The following GABRG2 variants were observed in gnomAD, a reference collection of about 807,000 sequenced individuals.
The protein encoded by GABRG2 is gamma-aminobutyric acid type A receptor subunit gamma2.
In GABRG2, 16 loss-of-function variants were observed where a neutral mutation model predicts 56.4. That is an observed-to-expected ratio of 0.28 (90% CI 0.19 to 0.43). The LOEUF is 0.43. Ranked by LOEUF, GABRG2 falls within the 20% of genes least tolerant of loss-of-function variation. GABRG2 has a pLI of 1.00. For missense variants in GABRG2, 327 were observed against 582.7 expected, an observed-to-expected ratio of 0.56 and a Z score of 4.52; for synonymous variants, 208 against 205.5, an observed-to-expected ratio of 1.01 and a Z score of -0.10.
intron 1 of GABRG2, among the ~76,000 whole-genome samples, 153 bp from the exon 2 acceptor site, chr5:162,093,675 A>G (rs559622288): frequency 1.9e-4 from 29 of 152,274 alleles, no homozygotes; most frequent in African/African-American, 6.5e-4. Context: ...GTCTCCATCT[A>G]TGCAGTTTAA....
intron 6 of GABRG2, among the ~76,000 whole-genome samples, chr5:162,123,288 T>C (rs1221507377): frequency 6.6e-6 from 1 of 151,760 alleles, no homozygotes; most frequent in Non-Finnish European, 1.5e-5. Context: ...AAGTCAAAGA[T>C]GCATTTGTTT....
At chr5:162,142,849 T>G (rs1283947676) in intron 7 of GABRG2, 1 of 164,542 alleles carries the variant, frequency 6.1e-6, no homozygotes, top group East Asian at 1.6e-4. Flanking sequence ...TGTATACATA[T>G]GTAACAAACC....
At chr5:162,142,027 AAAATAG>A in intron 6 of GABRG2, 131 bp from the exon 7 acceptor site, 1 of 1,155,308 alleles carries the variant, frequency 8.7e-7, no homozygotes, top group South Asian at 1.3e-5. Flanking sequence ...CAAGCGGGCA[AAAATAG>A]TTTTCAACAT....
intron 1 of GABRG2, among the ~76,000 whole-genome samples, chr5:162,068,696 TCCTGGTGAGGG>T (rs1402194733): frequency 2.0e-5 from 3 of 152,104 alleles, no homozygotes; most frequent in East Asian, 3.9e-4. Flanking sequence ...GGGACAGCAG[TCCTGGTGAGGG>T]CCAAAGGGAT....
intron 6 of GABRG2, 26 bp from the exon 7 acceptor site, chr5:162,142,138 A>G: frequency 6.2e-7 from 1 of 1,612,474 alleles, no homozygotes; most frequent in Non-Finnish European, 8.5e-7. Flanking sequence ...AAAGGGTTGT[A>G]TGGTGTTATC....
intron 1 of GABRG2, among the ~76,000 whole-genome samples, chr5:162,078,397 AT>A (rs869191596): frequency 7.9e-3 from 239 of 30,256 alleles, no homozygotes; most frequent in South Asian, 0.042. Flanking sequence ...ATATATATAT[AT>A]TTTTTTTTTT....
At chr5:162,085,133 T>C (rs1415152289) in intron 1 of GABRG2, among the ~76,000 whole-genome samples, 1 of 151,966 alleles carries the variant, frequency 6.6e-6, no homozygotes, top group Non-Finnish European at 1.5e-5. Context: ...CAAATTTGCA[T>C]TGTTGTACGA....
rs1581467266 is a variant in GABRG2, at chr5:162,155,289, T to G, written c.*1921T>G. 6.6e-6 allele frequency: 1 copy of G among 152,558 alleles called. No homozygotes were observed. The highest frequency in any genetic ancestry group is 1.5e-5 in the Non-Finnish European group (1 of 68,014). 9.5% of individuals were successfully genotyped at this position (152,558 alleles called of 1,614,324 possible). A position where few individuals can be genotyped will look rare whatever the true frequency, so the allele number is the denominator to read the frequency against. On this transcript the variant is annotated 3_prime_UTR_variant, in exon 10 of 10. Transcript: ENST00000639213. ...TTAAATGTTGACTCTTTGGGAGAGTTGTTGGCAAGTTTCAATGGTGAGAAA... is the reference window on the plus strand; with the variant it reads ...TTAAATGTTGACTCTTTGGGAGAGTGGTTGGCAAGTTTCAATGGTGAGAAA...
upstream of GABRG2, chr5:162,067,652 G>A: frequency 1.8e-6 from 1 of 558,894 alleles, no homozygotes; most frequent in Non-Finnish European, 3.1e-6. Context: ...GTAAGTGTGA[G>A]GGGCATGAGT....
At chr5:162,145,742 C>G (rs1180784865) in intron 7 of GABRG2, among the ~76,000 whole-genome samples, 1 of 152,170 alleles carries the variant, frequency 6.6e-6, no homozygotes, top group East Asian at 1.9e-4. Flanking sequence ...AAAAAATTAA[C>G]TCATCTACAG....
At chr5:162,119,613 A>T (rs1026801030) in intron 6 of GABRG2, among the ~76,000 whole-genome samples, 2 of 152,120 alleles carry the variant, frequency 1.3e-5, no homozygotes, top group Non-Finnish European at 2.9e-5. Flanking sequence ...CAATGAAATG[A>T]CAATGATCGA....
intron 5 of GABRG2, chr5:162,102,181 C>G (rs1305666468): frequency 1.1e-5 from 2 of 187,884 alleles, no homozygotes; most frequent in African/African-American, 4.8e-5. Context: ...CAGAGGAAAC[C>G]AGAGGAAAAA....
intron 8 of GABRG2, chr5:162,151,007 T>C (rs1037271454): frequency 6.6e-6 from 1 of 152,242 alleles, no homozygotes; most frequent in African/African-American, 2.4e-5. Flanking sequence ...GGTGGTTCTA[T>C]TGAGAGTTGG....
At chr5:162,083,001 A>G (rs2113211680) in intron 1 of GABRG2, among the ~76,000 whole-genome samples, 1 of 151,780 alleles carries the variant, frequency 6.6e-6, no homozygotes, top group East Asian at 1.9e-4. Context: ...ACAATTTTAG[A>G]AAAGAAAGAA....
intron 6 of GABRG2, among the ~76,000 whole-genome samples, chr5:162,107,863 TTGCCATTGC>T: frequency 6.6e-6 from 1 of 152,184 alleles, no homozygotes; most frequent in East Asian, 1.9e-4. Flanking sequence ...CTCTTTTCAG[TTGCCATTGC>T]CACTGTCCTA....
rs1759486703 is a variant in GABRG2 at position 162,079,636 on chromosome 5, TATG to T, written c.107+11533_107+11535del. ...TAATTTAAAAAAATAATATATATAA[TATG>T]ATAATATATAACACTGCTTTTATAA... is the stretch of plus-strand genomic sequence containing the variant. On this transcript the variant is annotated intron_variant, in intron 1 of 9. Coordinates refer to ENST00000639213, the MANE Select transcript of GABRG2 (RefSeq NM_198904.4). 6.6e-5 allele frequency among the ~76,000 whole-genome samples: 10 copies of T among 151,956 alleles called. No homozygotes were observed. The South Asian group carries it at 2.1e-3, about 31-fold the overall frequency.
chr5:162,134,738 T>C (rs1406113058), intron 6 of GABRG2, among the ~76,000 whole-genome samples: 2 of 152,126 alleles, frequency 1.3e-5, no homozygotes, highest in Non-Finnish European at 2.9e-5. Context: ...AGCTCACTAC[T>C]TGCCACTTTT....
At chr5:162,101,731 A>T in intron 5 of GABRG2, 1 of 179,628 alleles carries the variant, frequency 5.6e-6, no homozygotes. Flanking sequence ...CCACAGGACA[A>T]TTATTTCATT....
chr5:162,153,643 A>G lies in GABRG2; in HGVS notation c.*275A>G, dbSNP rs1194440973. 2 of 529,946 alleles carry G rather than the reference A, an allele frequency of 3.8e-6. No homozygotes were observed. Among genetic ancestry groups the G allele is most frequent in the Admixed American group, 3.2e-5 (1 of 31,646 alleles). The allele number at this position is 529,946 out of a possible 1,614,324, so 32.8% of individuals were successfully genotyped here. A position where few individuals can be genotyped will look rare whatever the true frequency, so the allele number is the denominator to read the frequency against. On this transcript the variant is annotated 3_prime_UTR_variant, in exon 10 of 10. Coordinates refer to ENST00000639213, the MANE Select transcript of GABRG2 (RefSeq NM_198904.4). ...AAACCAAATAAGATATTTTTCAGCT[A>G]CAGCAAATAAAACAGTGAAAGCCCT...
Sources: allele counts gnomAD v4.1 joint callset (sites outside exome capture counted in the v4.1 genomes callset), GRCh38; gene constraint gnomAD v4.1.1; transcripts MANE v1.5; gene names NCBI Gene and HGNC (gene_info 2026-07-23, HGNC 2026-07-21).